The following NF1 variants were observed in gnomAD, a reference collection of about 807,000 sequenced individuals.
NF1 encodes neurofibromin.
In NF1, 122 loss-of-function variants were observed where a neutral mutation model predicts 325.7. That is an observed-to-expected ratio of 0.37 (90% CI 0.32 to 0.44). NF1 has a LOEUF of 0.44. Among genes scored for constraint, NF1 ranks in the 20% least tolerant of loss-of-function variants. The pLI is 1.00. For synonymous variants in NF1, 1,091 were observed against 1,186.0 expected (o/e 0.92, Z 1.65); for missense variants, 2,140 against 3,415.4 (o/e 0.63, Z 9.31).
At chr17:31,229,740 A>T (rs2151430184) in intron 21 of NF1, 95 bp from the exon 22 acceptor site, 1 of 1,489,936 alleles carries the variant, frequency 6.7e-7, no homozygotes, top group Non-Finnish European at 9.3e-7. Flanking sequence ...GGGTGCACTT[A>T]CTCTGTGTGT....
chr17:31,274,730 G>GGTAATAGTAATA (rs68037843), intron 36 of NF1, among the ~76,000 whole-genome samples: 1,886 of 150,764 alleles, frequency 0.013, 49 homozygotes, highest in African/African-American at 0.043. Flanking sequence ...GTATATAGTT[G>GGTAATAGTAATA]GTAATAGTAA....
rs866235175 is a variant in NF1, at chr17:31,375,634, A to G, written c.*1479A>G. The G allele has an allele frequency of 4.3e-6, 1 of 232,352 alleles. No homozygotes were observed. The highest frequency in any genetic ancestry group is 8.5e-6 in the Non-Finnish European group (1 of 117,274). The allele number at this position is 232,352 out of a possible 1,614,324, so 14.4% of individuals were successfully genotyped here. A position where few individuals can be genotyped will look rare whatever the true frequency, so the allele number is the denominator to read the frequency against. ...TAAGATATAATGGCTTTGAGGGGGG[A>G]AAAAATAAACCTAGGGGAGAGGGGA... On this transcript the variant is annotated 3_prime_UTR_variant, in exon 58 of 58. Transcript: ENST00000358273.
intron 1 of NF1, among the ~76,000 whole-genome samples, chr17:31,130,874 C>T (rs1262298331): frequency 1.3e-5 from 2 of 152,190 alleles, no homozygotes; most frequent in African/African-American, 4.8e-5. Flanking sequence ...GAGCAGCCTT[C>T]GGTGGGAGGA....
intron 32 of NF1, among the ~76,000 whole-genome samples, chr17:31,258,790 AT>A (rs781265905): frequency 6.6e-6 from 1 of 152,042 alleles, no homozygotes; most frequent in East Asian, 1.9e-4. Flanking sequence ...AGACTATAGG[AT>A]TTTTTATTTT....
intron 36 of NF1, among the ~76,000 whole-genome samples, chr17:31,309,944 C>T (rs2068824015): frequency 1.3e-5 from 2 of 152,152 alleles, no homozygotes; most frequent in Non-Finnish European, 1.5e-5. Flanking sequence ...TCTGCCACAT[C>T]AGAGTACTAG....
At chr17:31,164,389 A>G (rs575550184) in intron 4 of NF1, among the ~76,000 whole-genome samples, 1 of 152,360 alleles carries the variant, frequency 6.6e-6, no homozygotes, top group South Asian at 2.1e-4. Flanking sequence ...TATAAGTGAC[A>G]GTAGCAAGTA....
intron 1 of NF1, among the ~76,000 whole-genome samples, chr17:31,146,759 A>G (rs779795529): frequency 1.8e-4 from 28 of 152,246 alleles, no homozygotes; most frequent in Admixed American, 5.9e-4. Flanking sequence ...GGAGCCTGGG[A>G]CAAGAATGGC....
intron 36 of NF1, among the ~76,000 whole-genome samples, chr17:31,266,445 A>C (rs1418264742): frequency 1.3e-5 from 2 of 152,136 alleles, no homozygotes; most frequent in African/African-American, 4.8e-5. Context: ...CCTGCCCTTT[A>C]ACAACTCTAA....
intron 1 of NF1, among the ~76,000 whole-genome samples, chr17:31,113,572 C>T (rs1913618404): frequency 6.6e-6 from 1 of 152,160 alleles, no homozygotes; most frequent in South Asian, 2.1e-4. Context: ...CTCTGTTGCA[C>T]AGGCTAGAGT....
chr17:31,234,428 C>T (rs17884419), intron 27 of NF1, among the ~76,000 whole-genome samples: 185 of 152,060 alleles, frequency 1.2e-3, no homozygotes, highest in African/African-American at 4.2e-3. Context: ...AATCCCAGCA[C>T]TTTGGGAGGC....
chr17:31,323,825 G>T (rs2069275109), intron 36 of NF1, among the ~76,000 whole-genome samples: 1 of 152,046 alleles, frequency 6.6e-6, no homozygotes, highest in Non-Finnish European at 1.5e-5. Context: ...TGCCCAGTTT[G>T]TGTTAATCTC....
At position 31,095,549 on chromosome 17, in the gene NF1, A is replaced by C. The variant is rs1911597300; in HGVS notation, c.60+180A>C. ...GTGGCCAAGGCGGGAGGTGAGGGGT[A>C]GGAGGGGACAGCTGGGAGCTTGGGC... On this transcript the variant is annotated intron_variant, in intron 1 of 57. Coordinates refer to ENST00000358273, the MANE Select transcript of NF1 (RefSeq NM_001042492.3). The C allele has an allele frequency of 5.5e-6, 3 of 546,818 alleles. No homozygotes were observed. In the Admixed American group the frequency reaches 9.8e-5, roughly 18 times the overall value. 33.9% of individuals were successfully genotyped at this position (546,818 alleles called of 1,614,324 possible). A position where few individuals can be genotyped will look rare whatever the true frequency, so the allele number is the denominator to read the frequency against.
At position 31,235,914 on chromosome 17, in the gene NF1, G is replaced by C. The variant is rs558421445; in HGVS notation, c.3871-4G>C. ...AATAAACTCCTATTCGTGCATTTCT[G>C]TAGGTATATGGTGCTACCTATCTAC... On this transcript the variant is annotated splice_polypyrimidine_tract_variant and splice_region_variant and intron_variant, in intron 28 of 57. Coordinates refer to ENST00000358273, the MANE Select transcript of NF1 (RefSeq NM_001042492.3). 8.7e-6 allele frequency: 14 copies of C among 1,612,464 alleles called. No homozygotes were observed. Among genetic ancestry groups the C allele is most frequent in the Middle Eastern group, 1.6e-4 (1 of 6,062 alleles).
At chr17:31,340,756 T>C (rs923516368) in intron 47 of NF1, 111 bp downstream of exon 47, 43 of 1,136,354 alleles carry the variant, frequency 3.8e-5, no homozygotes, top group Non-Finnish European at 5.5e-5. Flanking sequence ...TAAGTAGGAA[T>C]TTGTATAATG....
At chr17:31,319,387 A>AG (rs914702698) in intron 36 of NF1, among the ~76,000 whole-genome samples, 1 of 151,940 alleles carries the variant, frequency 6.6e-6, no homozygotes, top group Non-Finnish European at 1.5e-5. Flanking sequence ...AAAAAAAAAA[A>AG]ATTAAGGATC....
At position 31,248,970 on chromosome 17, in the gene NF1, T is replaced by C. The variant is rs1378636164; in HGVS notation, c.3975-14T>C. ...AAACAAAAGTGTTAGGATTTTATTT[T>C]TATTTTTTTGTAGGTTAGAACCATC... On this transcript the variant is annotated splice_polypyrimidine_tract_variant and intron_variant, in intron 29 of 57. Coordinates refer to ENST00000358273, the MANE Select transcript of NF1 (RefSeq NM_001042492.3). 1 of 1,613,662 alleles carries C rather than the reference T, an allele frequency of 6.2e-7. No homozygotes were observed. Among genetic ancestry groups the C allele is most frequent in the Non-Finnish European group, 8.5e-7 (1 of 1,179,776 alleles).
At chr17:31,327,922 C>A in intron 38 of NF1, 83 bp downstream of exon 38, 1 of 1,283,968 alleles carries the variant, frequency 7.8e-7, no homozygotes. Flanking sequence ...TTAAAACAGC[C>A]TCTACCTTAA....
intron 1 of NF1, among the ~76,000 whole-genome samples, chr17:31,129,454 ATTT>A (rs59199139): frequency 1.2e-4 from 15 of 126,412 alleles, no homozygotes; most frequent in Admixed American, 1.6e-4. Flanking sequence ...GCATTATGAA[ATTT>A]TTTTTTTTTT....
At chr17:31,238,197 C>G (rs1185424588) in intron 29 of NF1, among the ~76,000 whole-genome samples, 1 of 152,036 alleles carries the variant, frequency 6.6e-6, no homozygotes, top group Non-Finnish European at 1.5e-5. Context: ...GACCCCTGCA[C>G]CTTTGTAAGT....
Sources: allele counts gnomAD v4.1 joint callset (sites outside exome capture counted in the v4.1 genomes callset), GRCh38; gene constraint gnomAD v4.1.1; transcripts MANE v1.5; gene names NCBI Gene and HGNC (gene_info 2026-07-23, HGNC 2026-07-21).